Variants in SGCZ observed in about 807,000 individuals in gnomAD.
The protein encoded by SGCZ is zeta-sarcoglycan.
Under a neutral mutation model 41.3 loss-of-function variants are expected in SGCZ, and 40 were observed. The ratio of observed to expected loss-of-function variants is 0.97; its 90% CI spans 0.75 to 1.26. The LOEUF is 1.26. Among genes scored for constraint, SGCZ ranks in the 50% most tolerant of loss-of-function variants. The pLI is 0.00. For synonymous variants in SGCZ, 206 were observed against 137.5 expected, an observed-to-expected ratio of 1.50 and a Z score of -3.49; for missense variants, 552 against 369.8, an observed-to-expected ratio of 1.49 and a Z score of -4.04.
chr8:14,640,979 A>C (rs191453651), intron 1 of SGCZ, among the ~76,000 whole-genome samples: 1 of 151,696 alleles, frequency 6.6e-6, no homozygotes, highest in African/African-American at 2.4e-5. Context: ...GTTGGTATGA[A>C]ATCTTCCTCT....
At chr8:14,169,613 A>G (rs932210504) in intron 4 of SGCZ, among the ~76,000 whole-genome samples, 1 of 151,856 alleles carries the variant, frequency 6.6e-6, no homozygotes, top group East Asian at 1.9e-4. Flanking sequence ...CCAACAACAC[A>G]CTTCCTGTAG....
chr8:15,111,490 G>A (rs1198141786), intron 1 of SGCZ, among the ~76,000 whole-genome samples: 4 of 152,268 alleles, frequency 2.6e-5, no homozygotes, highest in Middle Eastern at 6.8e-3. Flanking sequence ...CATTTAGGGG[G>A]TAGCCAATAG....
At chr8:14,165,877 C>T (rs1439923943) in intron 4 of SGCZ, among the ~76,000 whole-genome samples, 1 of 152,088 alleles carries the variant, frequency 6.6e-6, no homozygotes, top group East Asian at 1.9e-4. Context: ...TGAATGAATA[C>T]TTAAGCTTTC....
intron 1 of SGCZ, among the ~76,000 whole-genome samples, chr8:14,615,449 G>C (rs911413165): frequency 1.2e-4 from 18 of 152,156 alleles, no homozygotes; most frequent in African/African-American, 4.3e-4. Flanking sequence ...CTGCTTCTGA[G>C]TACTGCCTGA....
chr8:15,190,048 T>C (rs1366172047), intron 1 of SGCZ, among the ~76,000 whole-genome samples: 2 of 152,170 alleles, frequency 1.3e-5, no homozygotes, highest in Non-Finnish European at 2.9e-5. Context: ...TCCTGTGTTA[T>C]AGCCTACCTG....
At chr8:14,462,648 G>T (rs1357117765) in intron 2 of SGCZ, among the ~76,000 whole-genome samples, 2 of 152,022 alleles carry the variant, frequency 1.3e-5, no homozygotes. Flanking sequence ...AAACCGGGAA[G>T]TATGAACGCT....
intron 1 of SGCZ, among the ~76,000 whole-genome samples, chr8:14,997,484 T>C (rs1051632012): frequency 3.3e-5 from 5 of 152,350 alleles, no homozygotes; most frequent in African/African-American, 1.2e-4. Context: ...TGTATTAACA[T>C]GTAGGTCACT....
chr8:14,806,429 A>G (rs1278786296), intron 1 of SGCZ, among the ~76,000 whole-genome samples: 1 of 151,698 alleles, frequency 6.6e-6, no homozygotes, highest in Admixed American at 6.6e-5. Context: ...AATACAAACT[A>G]CCATCAGAGA....
intron 2 of SGCZ, among the ~76,000 whole-genome samples, chr8:14,380,467 G>A (rs1406061629): frequency 6.6e-6 from 1 of 152,174 alleles, no homozygotes; most frequent in Non-Finnish European, 1.5e-5. Flanking sequence ...GCTAGTGACT[G>A]TTCTAAATTC....
chr8:15,119,628 T>G (rs1035223495), intron 1 of SGCZ, among the ~76,000 whole-genome samples: 2 of 152,146 alleles, frequency 1.3e-5, no homozygotes, highest in Admixed American at 6.5e-5. Flanking sequence ...AGAGGACAGC[T>G]CAATTCCCAC....
intron 2 of SGCZ, among the ~76,000 whole-genome samples, chr8:14,359,571 G>A (rs969600893): frequency 1.3e-5 from 2 of 151,704 alleles, no homozygotes; most frequent in African/African-American, 4.8e-5. Flanking sequence ...TAAATATCAA[G>A]ATAAATTTTG....
intron 2 of SGCZ, among the ~76,000 whole-genome samples, chr8:14,403,728 T>A (rs1013535970): frequency 1.3e-5 from 2 of 152,202 alleles, no homozygotes; most frequent in African/African-American, 4.8e-5. Context: ...ACAATTTCTG[T>A]CTTTTTTCTT....
At chr8:14,908,725 G>T (rs1030511901) in intron 1 of SGCZ, among the ~76,000 whole-genome samples, 1 of 136,440 alleles carries the variant, frequency 7.3e-6, no homozygotes, top group African/African-American at 2.9e-5. Flanking sequence ...ACTCCAGCCT[G>T]GTGATCTGTC....
chr8:15,027,963 G>C (rs1803518533), intron 1 of SGCZ, among the ~76,000 whole-genome samples: 1 of 151,886 alleles, frequency 6.6e-6, no homozygotes, highest in African/African-American at 2.4e-5. Flanking sequence ...TTTATGTTAA[G>C]TTAAAACAAA....
intron 4 of SGCZ, among the ~76,000 whole-genome samples, chr8:14,189,284 A>G (rs1219833570): frequency 3.3e-5 from 5 of 152,152 alleles, no homozygotes; most frequent in African/African-American, 1.2e-4. Flanking sequence ...CTTCACACAG[A>G]AGCCAGAGTC....
At chr8:14,162,492 G>T (rs1471017028) in intron 5 of SGCZ, 2 of 152,120 alleles carry the variant, frequency 1.3e-5, no homozygotes, top group Admixed American at 6.5e-5. Flanking sequence ...AGTGCTCAGG[G>T]CCCTACAACT....
At chr8:14,787,639 G>C (rs1311123380) in intron 1 of SGCZ, among the ~76,000 whole-genome samples, 1 of 151,990 alleles carries the variant, frequency 6.6e-6, no homozygotes, top group African/African-American at 2.4e-5. Context: ...CTGAGGTTGG[G>C]AGTTTGAGAC....
chr8:14,108,265 A>G (rs769424423), intron 5 of SGCZ, 30 bp from the exon 6 acceptor site: 20 of 1,601,000 alleles, frequency 1.2e-5, no homozygotes, highest in Non-Finnish European at 1.6e-5. Flanking sequence ...AGCAGTCAGT[A>G]TAAGCAAGTC....
chr8:14,511,075 G>T (rs1469503943), intron 2 of SGCZ, among the ~76,000 whole-genome samples: 5 of 151,904 alleles, frequency 3.3e-5, no homozygotes, highest in Non-Finnish European at 7.4e-5. Context: ...AAATCACTAG[G>T]TGAATTTAGG....
Sources: gnomAD v4.1 joint callset for allele counts (sites outside exome capture counted in the v4.1 genomes callset) on GRCh38, gnomAD v4.1.1 for gene constraint, MANE v1.5 for transcripts, NCBI Gene and HGNC (gene_info 2026-07-23, HGNC 2026-07-21) for gene names.